Variants in NFASC observed in about 807,000 individuals in gnomAD.
NFASC encodes the protein neurofascin homolog.
Under a neutral mutation model 147.5 loss-of-function variants are expected in NFASC, and 43 were observed. The observed-to-expected ratio is 0.29, with a 90% confidence interval of 0.23 to 0.38. The LOEUF (loss-of-function observed/expected upper bound fraction) is 0.38, where lower values mean the gene tolerates loss of function less well. Ranked by LOEUF, NFASC falls within the 10% of genes least tolerant of loss-of-function variation. The pLI is 1.00. For synonymous variants in NFASC, 622 were observed against 665.5 expected (o/e 0.93, Z 1.01); for missense variants, 1,320 against 1,689.0 (o/e 0.78, Z 3.83).
At chr1:204,948,929 C>T (rs1051682295) in intron 3 of NFASC, among the ~76,000 whole-genome samples, 1 of 152,194 alleles carries the variant, frequency 6.6e-6, no homozygotes, top group African/African-American at 2.4e-5. Context: ...CCCTTCTCCC[C>T]ACCCAAGCCA....
chr1:204,951,948 C>A, intron 4 of NFASC, 63 bp from the exon 5 acceptor site: 1 of 1,371,016 alleles, frequency 7.3e-7, no homozygotes, highest in Non-Finnish European at 1.0e-6. Flanking sequence ...CTCAGCTGTT[C>A]CCCAAGCTGG....
chr1:204,936,253 G>A (rs12081809), intron 2 of NFASC, among the ~76,000 whole-genome samples: 1 of 136,914 alleles, frequency 7.3e-6, no homozygotes, highest in Admixed American at 8.4e-5. Context: ...CCATGCTGGA[G>A]TGCAGTGGCA....
chr1:204,951,753 G>A (rs1264458578), intron 4 of NFASC, among the ~76,000 whole-genome samples: 1 of 152,164 alleles, frequency 6.6e-6, no homozygotes, highest in African/African-American at 2.4e-5. Flanking sequence ...ACAAGCGTGA[G>A]CCACCACGCC....
intron 1 of NFASC, chr1:204,870,773 T>C: frequency 8.6e-7 from 1 of 1,165,748 alleles, no homozygotes; most frequent in Non-Finnish European, 1.1e-6. Flanking sequence ...CGTGGTGGGC[T>C]TGAGATAATA....
chr1:204,899,550 C>T (rs1231856107), intron 1 of NFASC, among the ~76,000 whole-genome samples: 1 of 152,198 alleles, frequency 6.6e-6, no homozygotes. Context: ...GTCTAGCATA[C>T]AGTATATTTG....
At chr1:204,887,512 G>C (rs1002107067) in intron 1 of NFASC, among the ~76,000 whole-genome samples, 4 of 145,978 alleles carry the variant, frequency 2.7e-5, no homozygotes, top group Non-Finnish European at 6.0e-5. Flanking sequence ...TGGCATATCT[G>C]TACCTGGATA....
At chr1:204,965,293 T>A (rs1404722167) in intron 8 of NFASC, among the ~76,000 whole-genome samples, 3 of 152,192 alleles carry the variant, frequency 2.0e-5, no homozygotes, top group Admixed American at 6.5e-5. Flanking sequence ...ATCACTGTTG[T>A]CTTAGAGTCT....
At chr1:204,857,916 C>CTTTTTTTTTTTTTTT (rs777663775) in intron 1 of NFASC, among the ~76,000 whole-genome samples, 2 of 133,678 alleles carry the variant, frequency 1.5e-5, no homozygotes, top group African/African-American at 6.1e-5. Context: ...CCTTCTTCTT[C>CTTTTTTTTTTTTTTT]TTCTTTTTTT....
Position 205,008,938 on chromosome 1 carries a change from G to A in NFASC, c.3290-619G>A, listed in dbSNP as rs914685375. ...AGGATTGCCTTTGCTGTCAGGAAGC[G>A]CAGGATCCACTAGAGAGATGTGAAA... On this transcript the variant is annotated intron_variant, in intron 27 of 29. Coordinates refer to ENST00000339876, the MANE Select transcript of NFASC (RefSeq NM_001005388.3). The A allele has an allele frequency of 1.6e-4, 25 of 159,736 alleles. 1 individual carries two copies. The highest frequency in any genetic ancestry group is 4.6e-4 in the African/African-American group (19 of 41,598). The allele number at this position is 159,736 out of a possible 1,614,324, so 9.9% of individuals were successfully genotyped here. A position where few individuals can be genotyped will look rare whatever the true frequency, so the allele number is the denominator to read the frequency against.
intron 1 of NFASC, among the ~76,000 whole-genome samples, chr1:204,877,050 ATATATT>A (rs2079113583): frequency 3.3e-5 from 3 of 90,770 alleles, no homozygotes; most frequent in East Asian, 1.4e-3. Context: ...TATATATATA[ATATATT>A]TATTTATATA....
intron 1 of NFASC, among the ~76,000 whole-genome samples, chr1:204,911,408 A>T (rs6658163): frequency 6.6e-5 from 10 of 152,034 alleles, no homozygotes; most frequent in Admixed American, 3.3e-4. Context: ...TAAGAAATGG[A>T]GGTCTCAAGA....
chr1:204,843,622 TCCTTCCTCCCTCCCTC>T (rs1676059114), intron 1 of NFASC, among the ~76,000 whole-genome samples: 1 of 81,292 alleles, frequency 1.2e-5, no homozygotes, highest in Non-Finnish European at 2.2e-5. Flanking sequence ...CTTCCTTCCT[TCCTTCCTCCCTCCCTC>T]CCTCCCTCCC....
chr1:204,853,143 T>C (rs1476385793), intron 1 of NFASC, among the ~76,000 whole-genome samples: 2 of 152,212 alleles, frequency 1.3e-5, no homozygotes, highest in Non-Finnish European at 2.9e-5. Flanking sequence ...AATGATCTAC[T>C]GGATGTCATT....
chr1:204,941,147 C>T (rs187986764), intron 2 of NFASC, among the ~76,000 whole-genome samples: 2 of 152,308 alleles, frequency 1.3e-5, no homozygotes, highest in African/African-American at 4.8e-5. Context: ...TTGCCACTAA[C>T]CAGCTAGGTA....
intron 17 of NFASC, 104 bp downstream of exon 17, chr1:204,977,829 G>C: frequency 9.4e-7 from 1 of 1,061,000 alleles, no homozygotes; most frequent in Non-Finnish European, 1.4e-6. Flanking sequence ...ACAGTGTGTA[G>C]GTTTGTGGGC....
At position 204,954,437 on chromosome 1, in the gene NFASC, T is replaced by C; in HGVS notation, c.412+53T>C. 1 of 1,555,168 alleles carries C rather than the reference T, an allele frequency of 6.4e-7. No individual in the cohort carries two copies. The highest frequency in any genetic ancestry group is 8.8e-7 in the Non-Finnish European group (1 of 1,140,858). On this transcript the variant is annotated intron_variant, in intron 6 of 29. Transcript: ENST00000339876. This position sits in a 1 kb window ranked among gnomAD's most constrained non-coding sequence, Gnocchi z 5.7. ...GCCCTGCTCCTGGGTAAATGGAGAG[T>C]GGGGGGTGTGGAAGGCCATTCCAGA...
Position 205,016,203 on chromosome 1 carries a change from G to A in NFASC, c.3492-105G>A, listed in dbSNP as rs924610839. 5.3e-5 allele frequency: 41 copies of A among 780,078 alleles called. No individual in the cohort carries two copies. Among genetic ancestry groups the A allele is most frequent in the East Asian group, 7.3e-5 (3 of 40,892 alleles). 48.3% of individuals were successfully genotyped at this position (780,078 alleles called of 1,614,324 possible). ...GGGTGAAGCGGGGGCTGGACTGGGC[G>A]GTCTCCTGGATCCCATCCTCTCTGA... is the stretch of plus-strand genomic sequence containing the variant. On this transcript the variant is annotated intron_variant, in intron 29 of 29. Coordinates refer to ENST00000339876, the MANE Select transcript of NFASC (RefSeq NM_001005388.3). The surrounding 1 kb of genome is among the most constrained non-coding windows in gnomAD (Gnocchi z 5.1).
At position 204,973,513 on chromosome 1, in the gene NFASC, C is replaced by T. The variant is rs1347376199; in HGVS notation, c.1279+94C>T. On this transcript the variant is annotated intron_variant, in intron 12 of 29. Transcript: ENST00000339876. ...TATGTCGTGGGGCACACTTTCTTCT[C>T]CGGGGATTGGCCAAGCTGGGTGAGG... 4 of 1,481,550 alleles carry T rather than the reference C, an allele frequency of 2.7e-6. No homozygotes were observed. In the African/African-American group the frequency reaches 5.6e-5, roughly 21 times the overall value. The allele number at this position is 1,481,550 out of a possible 1,614,324, so 91.8% of individuals were successfully genotyped here.
In NFASC at chr1:204,979,673, C is replaced by T. The variant is rs145266772; in HGVS notation, c.2176+114C>T. ...TAGGTTACTTAACTTCTCCAAGGCC[C>T]GGCCTCATCTGTGAGGCAGAGAGTA... On this transcript the variant is annotated intron_variant, in intron 19 of 29. Transcript: ENST00000339876. The surrounding 1 kb of genome is among the most constrained non-coding windows in gnomAD (Gnocchi z 6.0). 9.1e-5 allele frequency: 85 copies of T among 935,572 alleles called. No individual in the cohort carries two copies. In the Middle Eastern group the frequency reaches 9.8e-4, roughly 11 times the overall value. The allele number at this position is 935,572 out of a possible 1,614,324, so 58.0% of individuals were successfully genotyped here.
Sources: allele counts gnomAD v4.1 joint callset (sites outside exome capture counted in the v4.1 genomes callset), GRCh38; gene constraint gnomAD v4.1.1; non-coding constraint Gnocchi (gnomAD v3.1); transcripts MANE v1.5; gene names NCBI Gene and HGNC (gene_info 2026-07-23, HGNC 2026-07-21).